Variants in TPST1 observed in about 807,000 individuals in gnomAD.
TPST1 encodes tyrosylprotein sulfotransferase 1, also known as protein-tyrosine sulfotransferase 1.
TPST1 carries 20 observed loss-of-function variants against 34.8 expected under a neutral mutation model. The ratio of observed to expected loss-of-function variants is 0.57; its 90% CI spans 0.40 to 0.84. TPST1 has a LOEUF of 0.84. Among genes scored for constraint, TPST1 ranks in the 40% least tolerant of loss-of-function variants. The pLI, the probability that TPST1 is intolerant of heterozygous loss-of-function variation, is 0.00. For synonymous variants in TPST1, 152 were observed against 159.4 expected (o/e 0.95, Z 0.35); for missense variants, 353 against 455.5 (o/e 0.78, Z 2.05).
chr7:66,255,160 A>G (rs1344977897), intron 2 of TPST1, among the ~76,000 whole-genome samples: 1 of 151,922 alleles, frequency 6.6e-6, no homozygotes. Context: ...AAAAAAAAAA[A>G]AAAAAAGTTG....
intron 3 of TPST1, among the ~76,000 whole-genome samples, chr7:66,334,928 G>C (rs1380991734): frequency 6.6e-6 from 1 of 152,170 alleles, no homozygotes; most frequent in Non-Finnish European, 1.5e-5. Flanking sequence ...AGAGCCAGGA[G>C]AGCTGAACTA....
intron 1 of TPST1, among the ~76,000 whole-genome samples, chr7:66,215,836 G>C (rs961934188): frequency 7.2e-6 from 1 of 139,118 alleles, no homozygotes; most frequent in African/African-American, 2.7e-5. Flanking sequence ...GCAGTGGCAC[G>C]ATCTCGGCTC....
intron 2 of TPST1, among the ~76,000 whole-genome samples, chr7:66,282,265 CTG>C (rs1240320988): frequency 3.3e-5 from 5 of 152,170 alleles, no homozygotes; most frequent in Non-Finnish European, 7.3e-5. Context: ...CCTCTAATCA[CTG>C]TGTCCTTTTG....
intron 2 of TPST1, among the ~76,000 whole-genome samples, chr7:66,259,377 A>C (rs191496982): frequency 6.6e-6 from 1 of 152,272 alleles, no homozygotes; most frequent in East Asian, 1.9e-4. Context: ...TGATCTGTAG[A>C]ACCTTGCATT....
intron 1 of TPST1, chr7:66,221,756 T>C (rs1398227254): frequency 6.6e-6 from 1 of 152,214 alleles, no homozygotes; most frequent in Non-Finnish European, 1.5e-5. Context: ...CTTTTTAAAA[T>C]CTGGGCTTTT....
chr7:66,235,246 C>T (rs1562807370), intron 1 of TPST1, among the ~76,000 whole-genome samples: 1 of 144,840 alleles, frequency 6.9e-6, no homozygotes, highest in Non-Finnish European at 1.5e-5. Flanking sequence ...AGTACAATGG[C>T]GCGAACTCGG....
intron 3 of TPST1, among the ~76,000 whole-genome samples, chr7:66,294,545 T>C (rs1791152420): frequency 6.6e-6 from 1 of 151,938 alleles, no homozygotes; most frequent in Non-Finnish European, 1.5e-5. Context: ...TTGTAAACCA[T>C]CACATATGAG....
intron 2 of TPST1, among the ~76,000 whole-genome samples, chr7:66,272,260 G>A (rs1270654654): frequency 6.6e-6 from 1 of 152,078 alleles, no homozygotes; most frequent in African/African-American, 2.4e-5. Context: ...CATTTATAAG[G>A]ATCATTCACC....
At chr7:66,330,014 G>C (rs1791964861) in intron 3 of TPST1, among the ~76,000 whole-genome samples, 3 of 152,232 alleles carry the variant, frequency 2.0e-5, no homozygotes, top group African/African-American at 7.2e-5. Context: ...CACTACCTGG[G>C]TGACAGGTTC....
At chr7:66,271,904 G>T (rs1400045955) in intron 2 of TPST1, among the ~76,000 whole-genome samples, 1 of 151,932 alleles carries the variant, frequency 6.6e-6, no homozygotes, top group Non-Finnish European at 1.5e-5. Context: ...TTATTCTTTG[G>T]ATTATAGAGC....
intron 3 of TPST1, among the ~76,000 whole-genome samples, chr7:66,313,481 A>G (rs1224699834): frequency 6.6e-6 from 1 of 152,214 alleles, no homozygotes; most frequent in Non-Finnish European, 1.5e-5. Flanking sequence ...TTTTGCAAAT[A>G]CTAAATGTTG....
At chr7:66,354,758 T>C (rs796176926) in intron 4 of TPST1, among the ~76,000 whole-genome samples, 22 of 152,272 alleles carry the variant, frequency 1.4e-4, no homozygotes, top group African/African-American at 5.3e-4. Context: ...CCCAGCACTT[T>C]GGGAGGCAGG....
intron 5 of TPST1, chr7:66,359,328 A>G (rs764712335): frequency 2.2e-5 from 3 of 135,186 alleles, no homozygotes; most frequent in Non-Finnish European, 4.6e-5. Context: ...CTTAGGACCC[A>G]TTTCTTCACA....
chr7:66,248,021 A>G (rs1265736429), intron 2 of TPST1, among the ~76,000 whole-genome samples: 1 of 151,774 alleles, frequency 6.6e-6, no homozygotes, highest in Non-Finnish European at 1.5e-5. Context: ...TTTTTGAAAA[A>G]TAAGTAAAAC....
chr7:66,297,103 G>A (rs1220179692), intron 3 of TPST1, among the ~76,000 whole-genome samples: 1 of 152,104 alleles, frequency 6.6e-6, no homozygotes, highest in Non-Finnish European at 1.5e-5. Context: ...AATTTCAGTG[G>A]ATGCATGTGT....
At chr7:66,334,817 C>T (rs1792063289) in intron 3 of TPST1, among the ~76,000 whole-genome samples, 1 of 152,018 alleles carries the variant, frequency 6.6e-6, no homozygotes, top group Non-Finnish European at 1.5e-5. Context: ...TTTTCCTAGC[C>T]CTGCAGTTTC....
intron 2 of TPST1, among the ~76,000 whole-genome samples, chr7:66,242,735 C>T (rs980493894): frequency 6.6e-6 from 1 of 152,150 alleles, no homozygotes; most frequent in African/African-American, 2.4e-5. Context: ...GACCACCAGC[C>T]TCTTCAGTAG....
chr7:66,269,405 C>T (rs1360008918), intron 2 of TPST1, among the ~76,000 whole-genome samples: 2 of 152,022 alleles, frequency 1.3e-5, no homozygotes, highest in African/African-American at 4.8e-5. Flanking sequence ...CTATTATGAC[C>T]AAATAGTTTT....
chr7:66,349,683 C>T lies in TPST1; in HGVS notation c.1045-2822C>T, dbSNP rs573755170. On this transcript the variant is annotated intron_variant, in intron 3 of 5. Coordinates refer to ENST00000304842, the MANE Select transcript of TPST1 (RefSeq NM_003596.4). Reference sequence around the variant, plus strand: ...CTGAACTGGTTCTGTAAAGCAGCCACGGCACAGACCAGAGTGGACTGTGGG... The same window carrying T: ...CTGAACTGGTTCTGTAAAGCAGCCATGGCACAGACCAGAGTGGACTGTGGG... Among the ~76,000 whole-genome samples, 701 of 152,244 alleles carry T rather than the reference C, an allele frequency of 4.6e-3. 2 individuals are homozygous for T. The highest frequency in any genetic ancestry group is 8.1e-3 in the Non-Finnish European group (549 of 68,012).
Sources: gnomAD v4.1 joint callset for allele counts (sites outside exome capture counted in the v4.1 genomes callset) on GRCh38, gnomAD v4.1.1 for gene constraint, MANE v1.5 for transcripts, NCBI Gene and HGNC (gene_info 2026-07-23, HGNC 2026-07-21) for gene names.